Variants in GPR157 observed in about 807,000 individuals in gnomAD.
GPR157 encodes the protein G-protein coupled receptor 157.
GPR157 carries 16 observed loss-of-function variants against 23.5 expected under a neutral mutation model. The observed-to-expected ratio is 0.68, with a 90% CI of 0.46 to 1.04. GPR157 has a LOEUF of 1.04. Among genes scored for constraint, GPR157 ranks in the 50% least tolerant of loss-of-function variants. The pLI, the probability that GPR157 is intolerant of heterozygous loss-of-function variation, is 0.00. For missense variants in GPR157, 440 were observed against 460.7 expected (o/e 0.96, Z 0.41); for synonymous variants, 200 against 221.5 (o/e 0.90, Z 0.86).
chr1:9,114,224 G>A (rs1042823531), intron 1 of GPR157, among the ~76,000 whole-genome samples: 3 of 151,418 alleles, frequency 2.0e-5, no homozygotes, highest in Non-Finnish European at 4.4e-5. Flanking sequence ...ATCTTAGTGG[G>A]AGGCTGAGGC....
rs532219355 is a variant in GPR157, at chr1:9,118,729, C to A, written c.384-7240G>T. On this transcript the variant is annotated intron_variant, in intron 1 of 3. Transcript: ENST00000377411. The surrounding 1 kb of genome is among the most constrained non-coding windows in gnomAD (Gnocchi z 4.6). ...ATCAGAGTGGAACCTAACCTAACAA[C>A]CTCTGTGGTCATAACTTAAGAGGAA... Among the ~76,000 whole-genome samples the A allele has an allele frequency of 6.6e-6, 1 of 152,272 alleles. No homozygotes were observed. Among genetic ancestry groups the A allele is most frequent in the South Asian group, 2.1e-4 (1 of 4,822 alleles).
chr1:9,114,938 A>ACAAAGAAT (rs1199479797), intron 1 of GPR157, among the ~76,000 whole-genome samples: 1 of 151,782 alleles, frequency 6.6e-6, no homozygotes, highest in East Asian at 1.9e-4. Context: ...AAAAAAAAAA[A>ACAAAGAAT]AAAAGAATAA....
At chr1:9,121,659 C>G (rs1412467488) in intron 1 of GPR157, among the ~76,000 whole-genome samples, 4 of 152,082 alleles carry the variant, frequency 2.6e-5, no homozygotes, top group African/African-American at 9.7e-5. Flanking sequence ...AAACAAAAAA[C>G]AAATTAGAGA....
At position 9,120,278 on chromosome 1, in the gene GPR157, A is replaced by G. The variant is rs570229680; in HGVS notation, c.383+8367T>C. ...GATTCCTGTACCTTTTCCCCACCCC[A>G]AACTTCATCCTTCCTACAGATCTCT... On this transcript the variant is annotated intron_variant, in intron 1 of 3. Transcript: ENST00000377411. The surrounding 1 kb of genome is among the most constrained non-coding windows in gnomAD (Gnocchi z 4.1). 6.6e-6 allele frequency among the ~76,000 whole-genome samples: 1 copy of G among 152,076 alleles called. No homozygotes were observed. The highest frequency in any genetic ancestry group is 6.6e-5 in the Admixed American group (1 of 15,244).
intron 1 of GPR157, among the ~76,000 whole-genome samples, chr1:9,113,319 T>A (rs1002510037): frequency 2.0e-5 from 3 of 152,164 alleles, no homozygotes; most frequent in Non-Finnish European, 2.9e-5. Context: ...AACTGTGAGA[T>A]CAGAGTTCAA....
intron 1 of GPR157, among the ~76,000 whole-genome samples, chr1:9,111,991 T>C (rs1638515702): frequency 1.3e-5 from 2 of 151,998 alleles, no homozygotes; most frequent in South Asian, 4.2e-4. Flanking sequence ...AAAGAAGAGT[T>C]TTGTATACAT....
chr1:9,111,536 C>T (rs1233362212), intron 1 of GPR157, 47 bp from the exon 2 acceptor site: 1 of 1,514,974 alleles, frequency 6.6e-7, no homozygotes, highest in Non-Finnish European at 9.1e-7. Context: ...GCCATGGCTC[C>T]CGGCAATGTC....
At position 9,128,303 on chromosome 1, in the gene GPR157, CAG is replaced by C. The variant is rs1305695555; in HGVS notation, c.383+340_383+341del. 5.3e-6 allele frequency: 3 copies of C among 562,566 alleles called. No homozygotes were observed. The highest frequency in any genetic ancestry group is 2.2e-5 in the Admixed American group (1 of 45,526). 34.8% of individuals were successfully genotyped at this position (562,566 alleles called of 1,614,324 possible). A position where few individuals can be genotyped will look rare whatever the true frequency, so the allele number is the denominator to read the frequency against. The stretch of plus-strand genomic sequence containing the variant: ...TCCCAGCCTGTTTCCCCATGGGCAG[CAG>C]AGACAGCCAGGACACAGTGAAGCAG... On this transcript the variant is annotated intron_variant, in intron 1 of 3. Coordinates refer to ENST00000377411, the MANE Select transcript of GPR157 (RefSeq NM_024980.5). The surrounding 1 kb of genome is among the most constrained non-coding windows in gnomAD (Gnocchi z 6.3).
At chr1:9,124,130 TA>T (rs1354106870) in intron 1 of GPR157, among the ~76,000 whole-genome samples, 1 of 152,088 alleles carries the variant, frequency 6.6e-6, no homozygotes, top group African/African-American at 2.4e-5. Context: ...GTGCCCAACC[TA>T]AAAATAAATT....
rs182942528 is a variant in GPR157, at chr1:9,116,902, C to T, written c.384-5413G>A. ...TACTACAGACACATGCTACCATGCC[C>T]GGCTTATTTTTTGCTTTTTGTAGAG... On this transcript the variant is annotated intron_variant, in intron 1 of 3. Transcript: ENST00000377411. Among the ~76,000 whole-genome samples the T allele has an allele frequency of 2.1e-3, 321 of 152,046 alleles. 1 individual carries two copies. Among genetic ancestry groups the T allele is most frequent in the Non-Finnish European group, 4.0e-3 (270 of 67,974 alleles).
chr1:9,117,525 C>A (rs61785833), intron 1 of GPR157, among the ~76,000 whole-genome samples: 3,240 of 152,268 alleles, frequency 0.021, 124 homozygotes, highest in African/African-American at 0.073. Context: ...TTTGGGAGGC[C>A]GAGGTGGGCA....
Position 9,102,685 on chromosome 1 carries a change from C to T in GPR157, c.*1734G>A, listed in dbSNP as rs1165293489. Reference sequence around the variant, plus strand: ...AAGCTGTACTTTCTCTCACCAAGACCCTGGAGGTAGCATTTCCACTTCCAT... The same window carrying T: ...AAGCTGTACTTTCTCTCACCAAGACTCTGGAGGTAGCATTTCCACTTCCAT... On this transcript the variant is annotated 3_prime_UTR_variant, in exon 4 of 4. Transcript: ENST00000377411. The T allele has an allele frequency of 1.3e-5, 2 of 152,080 alleles. No individual in the cohort carries two copies. Among genetic ancestry groups the T allele is most frequent in the East Asian group, 1.9e-4 (1 of 5,200 alleles). The allele number at this position is 152,080 out of a possible 1,614,324, so 9.4% of individuals were successfully genotyped here.
intron 3 of GPR157, 57 bp from the exon 4 acceptor site, chr1:9,104,691 G>C (rs529240571): frequency 2.1e-5 from 28 of 1,312,644 alleles, no homozygotes; most frequent in Non-Finnish European, 3.0e-5. Context: ...AGAAACACAC[G>C]CGCTGTTGCA....
At chr1:9,109,739 A>G (rs1355859463) in intron 2 of GPR157, among the ~76,000 whole-genome samples, 2 of 152,208 alleles carry the variant, frequency 1.3e-5, no homozygotes, top group Non-Finnish European at 2.9e-5. Flanking sequence ...AGCCATCTCC[A>G]GCAAGGACTC....
chr1:9,123,746 T>TTATATATATATAATATTAAA (rs1174361616), intron 1 of GPR157, among the ~76,000 whole-genome samples: 5 of 118,054 alleles, frequency 4.2e-5, no homozygotes, highest in Admixed American at 1.0e-4. Context: ...ATATTTAATA[T>TTATATATATATAATATTAAA]TATATATTTA....
At position 9,104,571 on chromosome 1, in the gene GPR157, C is replaced by T. The variant is rs767167550; in HGVS notation, c.856G>A (p.Val286Ile). 3.1e-5 allele frequency: 50 copies of T among 1,613,684 alleles called. 1 individual carries two copies. Among genetic ancestry groups the T allele is most frequent in the Middle Eastern group, 3.3e-4 (2 of 6,078 alleles). Residue 286 changes from valine to isoleucine, a missense_variant, in exon 4 of 4, where the codon GTC (valine) becomes ATC (isoleucine). Physicochemically the swap from Val to Ile is conservative, Grantham distance 29. Coordinates refer to ENST00000377411, the MANE Select transcript of GPR157 (RefSeq NM_024980.5). Reference protein sequence around the residue: ...CIMFVLCTRAVRTRLFSLCCC... With the variant: ...CIMFVLCTRAIRTRLFSLCCC... ...CAGAGAGAGAAGAGCCGAGTTCGGA[C>T]GGCGCGGGTGCAGAGGACGAACATG...
At chr1:9,109,028 G>A (rs944517118) in intron 2 of GPR157, among the ~76,000 whole-genome samples, 15 of 151,504 alleles carry the variant, frequency 9.9e-5, no homozygotes, top group Non-Finnish European at 1.8e-4. Flanking sequence ...TGCACACCTC[G>A]GCCTCCCAAA....
rs1638729222 is a variant in GPR157, at chr1:9,118,320, G to C, written c.384-6831C>G. ...GGGGGTGCCATGACAGGTGCTGGGT[G>C]GGGGTGCAAGGTGGGGATGTGGGTT... is the stretch of plus-strand genomic sequence containing the variant. On this transcript the variant is annotated intron_variant, in intron 1 of 3. Coordinates refer to ENST00000377411, the MANE Select transcript of GPR157 (RefSeq NM_024980.5). This position sits in a 1 kb window ranked among gnomAD's most constrained non-coding sequence, Gnocchi z 4.6. Among the ~76,000 whole-genome samples the C allele has an allele frequency of 6.6e-6, 1 of 152,006 alleles. No homozygotes were observed. Among genetic ancestry groups the C allele is most frequent in the East Asian group, 1.9e-4 (1 of 5,196 alleles).
In GPR157 at chr1:9,115,817, C is replaced by T. The variant is rs115307347; in HGVS notation, c.384-4328G>A. Among the ~76,000 whole-genome samples, 779 of 151,428 alleles carry T rather than the reference C, an allele frequency of 5.1e-3. 12 individuals are homozygous for T. Among genetic ancestry groups the T allele is most frequent in the African/African-American group, 0.018 (761 of 41,308 alleles). ...GGTCCAGCAAACTGTGGCTCTCAGG[C>T]CAAATCTGGCCCACAGTTTTTTTTT... On this transcript the variant is annotated intron_variant, in intron 1 of 3. Transcript: ENST00000377411.
Sources: gnomAD v4.1 joint callset for allele counts (sites outside exome capture counted in the v4.1 genomes callset) on GRCh38, gnomAD v4.1.1 for gene constraint, Gnocchi (gnomAD v3.1) non-coding constraint, MANE v1.5 for transcripts, NCBI Gene and HGNC (gene_info 2026-07-23, HGNC 2026-07-21) for gene names.